The following AKAIN1 variants were observed in gnomAD, a reference collection of about 807,000 sequenced individuals.
The protein encoded by AKAIN1 is A-kinase anchor inhibitor 1, also known as A-kinase anchor protein inhibitor 1.
AKAIN1 carries 3 observed loss-of-function variants against 3.7 expected under a neutral mutation model. The ratio of observed to expected loss-of-function variants is 0.82; its 90% CI spans 0.37 to 2.12. The LOEUF is 2.12. AKAIN1 is among the 30% of genes most tolerant of loss of function. AKAIN1 has a pLI of 0.06. For missense variants in AKAIN1, 82 were observed against 82.7 expected, an observed-to-expected ratio of 0.99 and a Z score of 0.03; for synonymous variants, 31 against 30.8, an observed-to-expected ratio of 1.01 and a Z score of -0.02.
At chr18:5,196,598 C>T (rs2071349085) in intron 1 of AKAIN1, among the ~76,000 whole-genome samples, 1 of 152,224 alleles carries the variant, frequency 6.6e-6, no homozygotes, top group African/African-American at 2.4e-5. Context: ...CCTCGGGAGG[C>T]CAGGAGGACC....
intron 1 of AKAIN1, among the ~76,000 whole-genome samples, chr18:5,168,271 G>GA (rs2143342782): frequency 6.6e-6 from 1 of 152,184 alleles, no homozygotes; most frequent in African/African-American, 2.4e-5. Flanking sequence ...AAGCAATAAA[G>GA]AAAAACATAA....
At chr18:5,162,531 C>T (rs1435006208) in intron 1 of AKAIN1, among the ~76,000 whole-genome samples, 2 of 151,936 alleles carry the variant, frequency 1.3e-5, no homozygotes, top group Non-Finnish European at 2.9e-5. Context: ...CCTAGTTTAA[C>T]TCATCTTTGA....
chr18:5,167,092 C>T (rs1055376130), intron 1 of AKAIN1, among the ~76,000 whole-genome samples: 1 of 152,010 alleles, frequency 6.6e-6, no homozygotes, highest in African/African-American at 2.4e-5. Flanking sequence ...ATAATTAAAG[C>T]AGTGTGATGT....
chr18:5,183,392 T>G (rs2143024080), intron 1 of AKAIN1, among the ~76,000 whole-genome samples: 1 of 152,170 alleles, frequency 6.6e-6, no homozygotes, highest in Middle Eastern at 3.4e-3. Flanking sequence ...ATATTTTAAT[T>G]TGGTTAATTA....
At chr18:5,148,529 A>G (rs963121420) in intron 1 of AKAIN1, among the ~76,000 whole-genome samples, 1 of 152,308 alleles carries the variant, frequency 6.6e-6, no homozygotes, top group African/African-American at 2.4e-5. Context: ...TATGAAATAC[A>G]TTCACAGGCT....
intron 1 of AKAIN1, among the ~76,000 whole-genome samples, chr18:5,164,217 A>G (rs963441488): frequency 6.6e-6 from 1 of 152,096 alleles, no homozygotes; most frequent in Non-Finnish European, 1.5e-5. Context: ...CCCCAGGGGA[A>G]TAGATAAATT....
chr18:5,163,347 T>A (rs1468039733), intron 1 of AKAIN1, among the ~76,000 whole-genome samples: 4 of 152,082 alleles, frequency 2.6e-5, no homozygotes, highest in Non-Finnish European at 5.9e-5. Flanking sequence ...ATCTATCCCC[T>A]CTCCAGGCCT....
chr18:5,168,449 C>T (rs1310818916), intron 1 of AKAIN1, among the ~76,000 whole-genome samples: 1 of 152,086 alleles, frequency 6.6e-6, no homozygotes, highest in Admixed American at 6.6e-5. Context: ...AAAAGCTAAA[C>T]ACCTTTTGAA....
intron 1 of AKAIN1, among the ~76,000 whole-genome samples, chr18:5,155,630 A>G (rs1371678693): frequency 6.6e-6 from 1 of 152,168 alleles, no homozygotes; most frequent in Non-Finnish European, 1.5e-5. Context: ...ACAAACAGAA[A>G]GTTCAGGAAA....
chr18:5,191,795 T>A (rs1410567228), intron 1 of AKAIN1, among the ~76,000 whole-genome samples: 1 of 151,872 alleles, frequency 6.6e-6, no homozygotes, highest in African/African-American at 2.4e-5. Context: ...AGATTTTGGA[T>A]TTTTTTCAGA....
At chr18:5,187,512 A>T (rs1346849624) in intron 1 of AKAIN1, among the ~76,000 whole-genome samples, 1 of 152,194 alleles carries the variant, frequency 6.6e-6, no homozygotes, top group African/African-American at 2.4e-5. Flanking sequence ...AGGCAGAAGC[A>T]CATATATGAA....
rs532486947 is a variant in AKAIN1, at chr18:5,166,868, T to C, written c.17-21113A>G. ...ATCAGTTGTAGACACTTTTTAAACATGTTTCTGCTCCTAAAATCACATCTT... is the reference window on the plus strand; with the variant it reads ...ATCAGTTGTAGACACTTTTTAAACACGTTTCTGCTCCTAAAATCACATCTT... On this transcript the variant is annotated intron_variant, in intron 1 of 1. Transcript: ENST00000434239. 2.6e-4 allele frequency among the ~76,000 whole-genome samples: 40 copies of C among 152,222 alleles called. No individual in the cohort carries two copies. The South Asian group carries it at 6.4e-3, about 24-fold the overall frequency.
At chr18:5,187,653 G>A (rs1168237705) in intron 1 of AKAIN1, among the ~76,000 whole-genome samples, 2 of 152,076 alleles carry the variant, frequency 1.3e-5, no homozygotes, top group Non-Finnish European at 1.5e-5. Context: ...ACCTGTTAAA[G>A]GTCCCCCCTC....
chr18:5,184,542 C>T (rs992047230), intron 1 of AKAIN1, among the ~76,000 whole-genome samples: 2 of 151,912 alleles, frequency 1.3e-5, no homozygotes, highest in South Asian at 4.1e-4. Flanking sequence ...CTCTATACAC[C>T]AATAACCTCG....
chr18:5,166,544 C>T (rs1432600107), intron 1 of AKAIN1, among the ~76,000 whole-genome samples: 1 of 152,008 alleles, frequency 6.6e-6, no homozygotes, highest in Non-Finnish European at 1.5e-5. Flanking sequence ...CTTCTATATA[C>T]TTCATGAAAT....
chr18:5,176,373 G>C (rs2071226398), intron 1 of AKAIN1, among the ~76,000 whole-genome samples: 1 of 152,078 alleles, frequency 6.6e-6, no homozygotes. Flanking sequence ...CTGGGAGGTG[G>C]AGATTGCAGT....
intron 1 of AKAIN1, among the ~76,000 whole-genome samples, chr18:5,169,147 T>C (rs994499793): frequency 6.6e-6 from 1 of 152,104 alleles, no homozygotes; most frequent in Non-Finnish European, 1.5e-5. Flanking sequence ...ACAGAGACTC[T>C]ATGTTGCAGT....
At chr18:5,178,294 C>A (rs1365953624) in intron 1 of AKAIN1, among the ~76,000 whole-genome samples, 1 of 152,042 alleles carries the variant, frequency 6.6e-6, no homozygotes, top group Non-Finnish European at 1.5e-5. Flanking sequence ...GTGGCTGGAG[C>A]CTGTAATACT....
intron 1 of AKAIN1, among the ~76,000 whole-genome samples, chr18:5,186,550 G>A (rs1352592714): frequency 1.3e-5 from 2 of 151,976 alleles, no homozygotes; most frequent in Admixed American, 1.3e-4. Context: ...ACCACTAAAA[G>A]TGGTAAACCA....
Sources: allele counts gnomAD v4.1 joint callset (sites outside exome capture counted in the v4.1 genomes callset), GRCh38; gene constraint gnomAD v4.1.1; transcripts MANE v1.5; gene names NCBI Gene and HGNC (gene_info 2026-07-23, HGNC 2026-07-21).